Variants in GALNT13 observed in about 807,000 individuals in gnomAD.
The protein encoded by GALNT13 is polypeptide N-acetylgalactosaminyltransferase 13.
GALNT13 carries 28 observed loss-of-function variants against 64.2 expected under a neutral mutation model. That is an observed-to-expected ratio of 0.44 (90% CI 0.32 to 0.60). GALNT13 has a LOEUF of 0.60. GALNT13 is among the 20% of genes least tolerant of loss of function. The pLI is 0.05. For synonymous variants in GALNT13, 214 were observed against 224.6 expected, an observed-to-expected ratio of 0.95 and a Z score of 0.42; for missense variants, 577 against 669.8, an observed-to-expected ratio of 0.86 and a Z score of 1.53.
At chr2:153,334,680 C>G in the GALNT13 span, among the ~76,000 whole-genome samples, 2 of 152,014 alleles carry the variant, frequency 1.3e-5, no homozygotes, top group African/African-American at 4.8e-5. Context: ...TATGTTCTAT[C>G]ACTGTGAATT....
the GALNT13 span, among the ~76,000 whole-genome samples, chr2:153,755,978 T>G: frequency 0.52 from 78,629 of 151,954 alleles, 21,228 homozygotes; most frequent in Admixed American, 0.64. Context: ...TCCGCAACAT[T>G]TTCAACAAAT....
At chr2:154,343,764 C>T (rs1216345869) in intron 9 of GALNT13, among the ~76,000 whole-genome samples, 1 of 151,956 alleles carries the variant, frequency 6.6e-6, no homozygotes, top group East Asian at 1.9e-4. Flanking sequence ...CAGAAAAGGA[C>T]AAGAGTCCTT....
chr2:153,561,641 CTGTG>C, the GALNT13 span, among the ~76,000 whole-genome samples: 2,242 of 146,464 alleles, frequency 0.015, 24 homozygotes, highest in Middle Eastern at 0.028. Context: ...GATGTTCAAC[CTGTG>C]TGTGTGTGTG....
chr2:153,436,579 T>G, the GALNT13 span, among the ~76,000 whole-genome samples: 8 of 152,318 alleles, frequency 5.3e-5, no homozygotes, highest in Non-Finnish European at 1.0e-4. Flanking sequence ...GTACAGGAAT[T>G]TATCCATTTC....
chr2:153,559,336 TC>T, the GALNT13 span, among the ~76,000 whole-genome samples: 1 of 152,146 alleles, frequency 6.6e-6, no homozygotes, highest in South Asian at 2.1e-4. Flanking sequence ...GTCCTAACGG[TC>T]TCCCCTTCTA....
At chr2:153,939,450 A>G (rs1367669026) in intron 2 of GALNT13, among the ~76,000 whole-genome samples, 1 of 152,186 alleles carries the variant, frequency 6.6e-6, no homozygotes, top group African/African-American at 2.4e-5. Flanking sequence ...ATATCAGGGA[A>G]TCATATGATA....
chr2:154,246,696 TC>T (rs1316693833), intron 7 of GALNT13, among the ~76,000 whole-genome samples: 1 of 152,096 alleles, frequency 6.6e-6, no homozygotes, highest in Non-Finnish European at 1.5e-5. Flanking sequence ...CTAGTTTAGT[TC>T]TTTAAAGATG....
chr2:154,338,175 C>T (rs1246712658), intron 9 of GALNT13, among the ~76,000 whole-genome samples: 1 of 152,066 alleles, frequency 6.6e-6, no homozygotes, highest in African/African-American at 2.4e-5. Flanking sequence ...TAACAGCACA[C>T]TATTCCATTA....
intron 8 of GALNT13, among the ~76,000 whole-genome samples, chr2:154,273,815 G>A (rs1691486803): frequency 6.6e-6 from 1 of 152,044 alleles, no homozygotes; most frequent in African/African-American, 2.4e-5. Context: ...AGTGTTGCAT[G>A]TACACCGAGT....
At chr2:153,987,639 G>A (rs552678169) in intron 3 of GALNT13, among the ~76,000 whole-genome samples, 1 of 151,806 alleles carries the variant, frequency 6.6e-6, no homozygotes, top group South Asian at 2.1e-4. Context: ...CGTCTTTGGA[G>A]GAATCATACT....
At chr2:154,445,169 T>C (rs1304183180) in intron 12 of GALNT13, among the ~76,000 whole-genome samples, 1 of 152,040 alleles carries the variant, frequency 6.6e-6, no homozygotes, top group Non-Finnish European at 1.5e-5. Context: ...CTATGGCTTT[T>C]TAGAAGTACC....
At chr2:153,724,511 A>T in the GALNT13 span, among the ~76,000 whole-genome samples, 1 of 105,690 alleles carries the variant, frequency 9.5e-6, no homozygotes, top group African/African-American at 5.1e-5. Flanking sequence ...CATCAGAGTG[A>T]ACAGGCAACC....
the GALNT13 span, among the ~76,000 whole-genome samples, chr2:153,628,851 C>A: frequency 6.6e-6 from 1 of 152,086 alleles, no homozygotes; most frequent in African/African-American, 2.4e-5. Flanking sequence ...CAGGATGATG[C>A]TGGCCTCATA....
Position 154,434,353 on chromosome 2 carries a change from G to T in GALNT13, c.1396-4239G>T, listed in dbSNP as rs545907653. 5.3e-5 allele frequency among the ~76,000 whole-genome samples: 8 copies of T among 152,134 alleles called. No homozygotes were observed. The East Asian group carries it at 1.4e-3, about 26-fold the overall frequency. ...CCGCTCACTGCAAATTCCGCCTCCCGGGCTCACGCCATTCTCCTGCCTCAG... is the reference window on the plus strand; with the variant it reads ...CCGCTCACTGCAAATTCCGCCTCCCTGGCTCACGCCATTCTCCTGCCTCAG... On this transcript the variant is annotated intron_variant, in intron 11 of 12. Transcript: ENST00000392825.
the GALNT13 span, among the ~76,000 whole-genome samples, chr2:153,320,114 T>G: frequency 6.6e-5 from 10 of 152,238 alleles, no homozygotes; most frequent in African/African-American, 1.4e-4. Context: ...ACATGGTATT[T>G]TCTTTAAAGC....
chr2:153,896,081 A>ATATATTTTTTTTTTTTT (rs1574065409), intron 1 of GALNT13, among the ~76,000 whole-genome samples: 4 of 136,806 alleles, frequency 2.9e-5, no homozygotes, highest in African/African-American at 5.6e-5. Context: ...ATGATTTTAT[A>ATATATTTTTTTTTTTTT]TTTTTATGTT....
At chr2:154,434,396 A>G (rs1403742678) in intron 11 of GALNT13, among the ~76,000 whole-genome samples, 1 of 152,112 alleles carries the variant, frequency 6.6e-6, no homozygotes, top group Non-Finnish European at 1.5e-5. Flanking sequence ...AGTAGCTGGA[A>G]CTACAGGCGC....
intron 1 of GALNT13, among the ~76,000 whole-genome samples, chr2:153,896,288 ATGT>A (rs1446824139): frequency 5.3e-5 from 8 of 150,778 alleles, no homozygotes; most frequent in South Asian, 2.1e-4. Flanking sequence ...CTATAATATA[ATGT>A]TGTTTGTGTG....
At chr2:154,087,740 C>T (rs1194924218) in intron 3 of GALNT13, among the ~76,000 whole-genome samples, 1 of 152,056 alleles carries the variant, frequency 6.6e-6, no homozygotes, top group Non-Finnish European at 1.5e-5. Context: ...CTTCCTGACA[C>T]ACGGGAGATG....
Sources: gnomAD v4.1 joint callset for allele counts (sites outside exome capture counted in the v4.1 genomes callset) on GRCh38, gnomAD v4.1.1 for gene constraint, MANE v1.5 for transcripts, NCBI Gene and HGNC (gene_info 2026-07-23, HGNC 2026-07-21) for gene names.